PTPRD: variants seen among roughly 807,000 people sequenced by gnomAD.
PTPRD encodes receptor-type tyrosine-protein phosphatase delta.
Under a neutral mutation model 214.5 loss-of-function variants are expected in PTPRD, and 34 were observed. That is an observed-to-expected ratio of 0.16 (90% CI 0.12 to 0.21). The LOEUF (loss-of-function observed/expected upper bound fraction) is 0.21, where lower values mean the gene tolerates loss of function less well. Ranked by LOEUF, PTPRD falls within the 10% of genes least tolerant of loss-of-function variation. The pLI is 1.00. For synonymous variants in PTPRD, 1,128 were observed against 845.7 expected (o/e 1.33, Z -5.79); for missense variants, 2,545 against 2,398.7 (o/e 1.06, Z -1.27).
At chr9:10,012,057 T>A (rs535636177) in intron 4 of PTPRD, among the ~76,000 whole-genome samples, 2 of 152,088 alleles carry the variant, frequency 1.3e-5, no homozygotes, top group African/African-American at 4.8e-5. Flanking sequence ...AACATGTAGG[T>A]ATAACTATTT....
At chr9:9,643,957 T>C (rs2096059722) in intron 7 of PTPRD, among the ~76,000 whole-genome samples, 1 of 152,324 alleles carries the variant, frequency 6.6e-6, no homozygotes, top group African/African-American at 2.4e-5. Context: ...ACTATTACCA[T>C]TGTACAAATT....
intron 33 of PTPRD, among the ~76,000 whole-genome samples, chr9:8,452,594 AT>A (rs749303860): frequency 3.3e-5 from 5 of 152,020 alleles, no homozygotes; most frequent in East Asian, 3.9e-4. Flanking sequence ...GCCTTGCTCT[AT>A]TTTTTTTCTA....
chr9:8,979,745 T>C (rs1338922515), intron 11 of PTPRD, among the ~76,000 whole-genome samples: 1 of 152,092 alleles, frequency 6.6e-6, no homozygotes, highest in Non-Finnish European at 1.5e-5. Flanking sequence ...TAACAAATGT[T>C]GGTGACTGGA....
intron 9 of PTPRD, among the ~76,000 whole-genome samples, chr9:9,378,585 C>G (rs1480300322): frequency 6.6e-6 from 1 of 152,104 alleles, no homozygotes; most frequent in Non-Finnish European, 1.5e-5. Flanking sequence ...TTGTAAGAAA[C>G]TGCAAGCTTT....
At chr9:8,650,949 G>A (rs1257008602) in intron 12 of PTPRD, among the ~76,000 whole-genome samples, 4 of 151,672 alleles carry the variant, frequency 2.6e-5, no homozygotes, top group Non-Finnish European at 4.4e-5. Flanking sequence ...ATGATTTGCA[G>A]GCTTCCAAAT....
intron 8 of PTPRD, among the ~76,000 whole-genome samples, chr9:9,543,664 T>C (rs1262322763): frequency 6.6e-6 from 1 of 151,466 alleles, no homozygotes; most frequent in East Asian, 1.9e-4. Flanking sequence ...AAGCCTAGGA[T>C]CAAGGCCATC....
At chr9:10,504,877 T>A (rs1199013236) in intron 2 of PTPRD, among the ~76,000 whole-genome samples, 1 of 152,192 alleles carries the variant, frequency 6.6e-6, no homozygotes, top group African/African-American at 2.4e-5. Context: ...AGGAGATGGA[T>A]GTGCACCTGT....
At chr9:9,468,755 GT>G (rs756945150) in intron 8 of PTPRD, among the ~76,000 whole-genome samples, 8 of 151,948 alleles carry the variant, frequency 5.3e-5, no homozygotes, top group Admixed American at 3.9e-4. Context: ...TTGAAAAATG[GT>G]TTGGTTATAT....
At chr9:9,079,803 C>T (rs938019418) in intron 10 of PTPRD, among the ~76,000 whole-genome samples, 2 of 151,986 alleles carry the variant, frequency 1.3e-5, no homozygotes, top group African/African-American at 4.8e-5. Context: ...CAAAATTCAG[C>T]CCATATGCTG....
intron 3 of PTPRD, among the ~76,000 whole-genome samples, chr9:10,238,612 A>G (rs1052021624): frequency 1.3e-5 from 2 of 151,894 alleles, no homozygotes; most frequent in African/African-American, 4.8e-5. Flanking sequence ...AAATGTATAC[A>G]ATTTCATCAG....
At chr9:10,251,990 G>A (rs899068220) in intron 3 of PTPRD, among the ~76,000 whole-genome samples, 3 of 152,000 alleles carry the variant, frequency 2.0e-5, no homozygotes, top group Non-Finnish European at 4.4e-5. Flanking sequence ...GTAAACATAC[G>A]CACCACAAAA....
chr9:9,586,205 C>T (rs2091920405), intron 7 of PTPRD, among the ~76,000 whole-genome samples: 1 of 151,910 alleles, frequency 6.6e-6, no homozygotes, highest in South Asian at 2.1e-4. Context: ...TTTCCCCTTC[C>T]AATTACAGGG....
chr9:9,615,210 G>A (rs916307016), intron 7 of PTPRD, among the ~76,000 whole-genome samples: 3 of 152,062 alleles, frequency 2.0e-5, no homozygotes, highest in Non-Finnish European at 2.9e-5. Context: ...AACCACCTGC[G>A]TCCCAGAGGC....
intron 2 of PTPRD, among the ~76,000 whole-genome samples, chr9:10,525,859 T>G (rs2054127596): frequency 6.6e-6 from 1 of 151,962 alleles, no homozygotes; most frequent in South Asian, 2.1e-4. Flanking sequence ...TTCGCCCACT[T>G]AACAAAAAGT....
chr9:8,400,280 T>A (rs980251693), intron 36 of PTPRD, among the ~76,000 whole-genome samples: 2 of 152,226 alleles, frequency 1.3e-5, no homozygotes, highest in African/African-American at 4.8e-5. Flanking sequence ...CTGCCACTAA[T>A]TGATACCCCT....
intron 23 of PTPRD, among the ~76,000 whole-genome samples, chr9:8,502,838 A>ATGTG (rs144848141): frequency 4.1e-5 from 6 of 147,082 alleles, no homozygotes; most frequent in African/African-American, 9.9e-5. Flanking sequence ...TTCAATATGT[A>ATGTG]TGTGTGTGTG....
chr9:8,491,392 C>A (rs1238405035), intron 27 of PTPRD, among the ~76,000 whole-genome samples: 2 of 152,120 alleles, frequency 1.3e-5, no homozygotes, highest in Non-Finnish European at 2.9e-5. Context: ...GGCTATAAAT[C>A]CACTACTTTC....
chr9:10,505,972 G>A (rs773555577), intron 2 of PTPRD, among the ~76,000 whole-genome samples: 28 of 152,038 alleles, frequency 1.8e-4, no homozygotes, highest in East Asian at 3.9e-4. Context: ...TAGTCTTGAG[G>A]TATGTCAGCT....
chr9:10,510,255 C>A (rs1160500530), intron 2 of PTPRD, among the ~76,000 whole-genome samples: 2 of 152,142 alleles, frequency 1.3e-5, no homozygotes, highest in Middle Eastern at 3.4e-3. Flanking sequence ...CAGTTAGAAT[C>A]GTTTTGTCAC....
Sources: gnomAD v4.1 joint callset for allele counts (sites outside exome capture counted in the v4.1 genomes callset) on GRCh38, gnomAD v4.1.1 for gene constraint, MANE v1.5 for transcripts, NCBI Gene and HGNC (gene_info 2026-07-23, HGNC 2026-07-21) for gene names.